The following FMN1 variants were observed in gnomAD, a reference collection of about 807,000 sequenced individuals.
FMN1 encodes formin 1, also known as formin-1.
A neutral mutation model predicts 132.4 loss-of-function variants in FMN1; 110 were observed. That is an observed-to-expected ratio of 0.83 (90% CI 0.71 to 0.97). FMN1 has a LOEUF of 0.97. FMN1 is among the 50% of genes least tolerant of loss of function. FMN1 has a pLI of 0.00. For missense variants in FMN1, 1,792 were observed against 1,705.3 expected (o/e 1.05, Z -0.90); for synonymous variants, 722 against 651.7 (o/e 1.11, Z -1.64).
chr15:32,965,002 G>C (rs1487617412), intron 8 of FMN1, among the ~76,000 whole-genome samples: 2 of 152,188 alleles, frequency 1.3e-5, no homozygotes, highest in Non-Finnish European at 2.9e-5. Flanking sequence ...AGGCGTAACA[G>C]AACAGCCTCC....
Position 32,774,067 on chromosome 15 carries a change from A to G in FMN1, c.*243T>C, listed in dbSNP as rs2056334991. 2.0e-6 allele frequency: 1 copy of G among 504,762 alleles called. No individual in the cohort carries two copies. Among genetic ancestry groups the G allele is most frequent in the Non-Finnish European group, 3.4e-6 (1 of 290,444 alleles). 31.3% of individuals were successfully genotyped at this position (504,762 alleles called of 1,614,324 possible). A position where few individuals can be genotyped will look rare whatever the true frequency, so the allele number is the denominator to read the frequency against. Reference sequence around the variant, plus strand: ...TTAGAGTGGACTTTGGGCTTCCACAAGAAACAGTCATCAAATATTTCTGCA... The same window carrying G: ...TTAGAGTGGACTTTGGGCTTCCACAGGAAACAGTCATCAAATATTTCTGCA... On this transcript the variant is annotated 3_prime_UTR_variant, in exon 21 of 21. Coordinates refer to ENST00000616417, the MANE Select transcript of FMN1 (RefSeq NM_001277313.2).
intron 4 of FMN1, among the ~76,000 whole-genome samples, chr15:33,123,547 C>A (rs982520018): frequency 1.3e-5 from 2 of 152,122 alleles, no homozygotes; most frequent in Admixed American, 1.3e-4. Context: ...ATCTATTTCA[C>A]CCTAAAACCA....
chr15:33,120,388 T>C (rs1595516588), intron 4 of FMN1, among the ~76,000 whole-genome samples: 2 of 152,162 alleles, frequency 1.3e-5, no homozygotes, highest in South Asian at 4.1e-4. Context: ...TTACCAGTTG[T>C]GCCCATAGTG....
intron 7 of FMN1, among the ~76,000 whole-genome samples, chr15:32,981,674 C>G (rs569965569): frequency 1.3e-5 from 2 of 151,796 alleles, no homozygotes; most frequent in African/African-American, 4.8e-5. Flanking sequence ...TACTTAGGAC[C>G]TTGGATTAGG....
At chr15:32,877,361 CAG>C (rs1021390061) in intron 16 of FMN1, among the ~76,000 whole-genome samples, 3 of 151,042 alleles carry the variant, frequency 2.0e-5, no homozygotes, top group African/African-American at 4.9e-5. Context: ...AGAGATTGTT[CAG>C]AGTCATTTAC....
chr15:32,932,233 T>C (rs2061138908), intron 9 of FMN1, among the ~76,000 whole-genome samples: 1 of 152,166 alleles, frequency 6.6e-6, no homozygotes, highest in Non-Finnish European at 1.5e-5. Context: ...ACCCCGTCTC[T>C]ACTAAAAATA....
At chr15:33,118,323 TG>T (rs1228422537) in intron 4 of FMN1, among the ~76,000 whole-genome samples, 1 of 152,186 alleles carries the variant, frequency 6.6e-6, no homozygotes, top group Admixed American at 6.6e-5. Context: ...TTGGTACCCT[TG>T]GAACAGTTGA....
chr15:32,827,590 C>A (rs770474144), intron 17 of FMN1, among the ~76,000 whole-genome samples: 1 of 152,204 alleles, frequency 6.6e-6, no homozygotes, highest in Non-Finnish European at 1.5e-5. Flanking sequence ...GTGGCTCATG[C>A]CTGTAATCCC....
At chr15:33,071,767 G>C (rs534127984) in intron 5 of FMN1, among the ~76,000 whole-genome samples, 106 of 152,238 alleles carry the variant, frequency 7.0e-4, no homozygotes, top group African/African-American at 2.5e-3. Context: ...TACCACTGCT[G>C]GTCACTCAGG....
chr15:32,884,792 CAT>C (rs1275596078), intron 16 of FMN1, among the ~76,000 whole-genome samples: 3 of 152,206 alleles, frequency 2.0e-5, no homozygotes, highest in Non-Finnish European at 4.4e-5. Flanking sequence ...AAATATGGAA[CAT>C]GTTCCCAAGC....
In FMN1 at chr15:32,986,959, T is replaced by C. The variant is rs74012443; in HGVS notation, c.2224-17482A>G. 1.0e-2 allele frequency among the ~76,000 whole-genome samples: 1,518 copies of C among 152,280 alleles called. 30 individuals carry two copies. Among genetic ancestry groups the C allele is most frequent in the African/African-American group, 0.035 (1,467 of 41,558 alleles). On this transcript the variant is annotated intron_variant, in intron 7 of 20. Transcript: ENST00000616417. ...TTCCTAACTGATCAAACATGGACTATAATTTATGAAATATTTTCAAAATAA... is the reference window on the plus strand; with the variant it reads ...TTCCTAACTGATCAAACATGGACTACAATTTATGAAATATTTTCAAAATAA...
chr15:32,862,350 C>T (rs2059290232), intron 16 of FMN1, among the ~76,000 whole-genome samples: 1 of 152,164 alleles, frequency 6.6e-6, no homozygotes, highest in African/African-American at 2.4e-5. Context: ...TTTCTCTTTA[C>T]ACAATTTTTT....
In FMN1 at chr15:32,946,764, C is replaced by T. The variant is rs566566427; in HGVS notation, c.3138+17343G>A. Reference sequence around the variant, plus strand: ...TGGGAGGTAGAATGCCAGACATACACGAGTAAGAGGCATCCTGCGTTGGTG... The same window carrying T: ...TGGGAGGTAGAATGCCAGACATACATGAGTAAGAGGCATCCTGCGTTGGTG... On this transcript the variant is annotated intron_variant, in intron 9 of 20. Transcript: ENST00000616417. Among the ~76,000 whole-genome samples, 50 of 152,180 alleles carry T rather than the reference C, an allele frequency of 3.3e-4. No individual in the cohort carries two copies. The South Asian group carries it at 9.5e-3, about 29-fold the overall frequency.
intron 16 of FMN1, among the ~76,000 whole-genome samples, chr15:32,870,960 G>T (rs2059501601): frequency 6.6e-6 from 1 of 152,118 alleles, no homozygotes. Context: ...TCTAAGATTG[G>T]TTTAGGAGGT....
intron 3 of FMN1, among the ~76,000 whole-genome samples, chr15:33,173,485 T>C (rs1272491593): frequency 6.6e-6 from 1 of 152,210 alleles, no homozygotes; most frequent in East Asian, 1.9e-4. Context: ...ATCTACTTCA[T>C]TCCCTAAGAA....
intron 4 of FMN1, among the ~76,000 whole-genome samples, chr15:33,101,114 T>C (rs1226237476): frequency 6.6e-6 from 1 of 152,130 alleles, no homozygotes; most frequent in East Asian, 1.9e-4. Context: ...CAGAAAACAA[T>C]AAAAATAAGT....
In FMN1 at chr15:32,926,404, T is replaced by G. The variant is rs2060962586; in HGVS notation, c.3139-143A>C. On this transcript the variant is annotated intron_variant, in intron 9 of 20. Coordinates refer to ENST00000616417, the MANE Select transcript of FMN1 (RefSeq NM_001277313.2). Reference sequence around the variant, plus strand: ...CTGCATGCACTCTTTAAATAATACTTAATTGGGAAGTAACTTATGCACAAT... The same window carrying G: ...CTGCATGCACTCTTTAAATAATACTGAATTGGGAAGTAACTTATGCACAAT... 1.1e-5 allele frequency: 6 copies of G among 551,172 alleles called. 1 individual carries two copies. The South Asian group carries it at 1.7e-4, about 15-fold the overall frequency. 34.1% of individuals were successfully genotyped at this position (551,172 alleles called of 1,614,324 possible).
chr15:32,889,349 G>A (rs576068353), intron 15 of FMN1, among the ~76,000 whole-genome samples: 1 of 152,266 alleles, frequency 6.6e-6, no homozygotes, highest in East Asian at 1.9e-4. Context: ...TATCTTGCAT[G>A]TCTTAGGCCG....
chr15:32,985,456 A>G (rs1008137378), intron 7 of FMN1, among the ~76,000 whole-genome samples: 1 of 152,140 alleles, frequency 6.6e-6, no homozygotes, highest in African/African-American at 2.4e-5. Context: ...GAATGAATGA[A>G]TTCTTCCAAT....
Sources: allele counts gnomAD v4.1 joint callset (sites outside exome capture counted in the v4.1 genomes callset), GRCh38; gene constraint gnomAD v4.1.1; transcripts MANE v1.5; gene names NCBI Gene and HGNC (gene_info 2026-07-23, HGNC 2026-07-21).